The following BACH2 variants were observed in gnomAD, a reference collection of about 807,000 sequenced individuals.
BACH2 encodes the protein BACH transcriptional regulator 2.
Under a neutral mutation model 61.8 loss-of-function variants are expected in BACH2, and 5 were observed. The observed-to-expected ratio is 0.08, with a 90% CI of 0.04 to 0.17. The LOEUF is 0.17. Among genes scored for constraint, BACH2 ranks in the 10% least tolerant of loss-of-function variants. The pLI is 1.00. For synonymous variants in BACH2, 446 were observed against 440.1 expected, an observed-to-expected ratio of 1.01 and a Z score of -0.17; for missense variants, 824 against 1,091.1, an observed-to-expected ratio of 0.76 and a Z score of 3.45.
chr6:90,109,318 C>T (rs1783063009), intron 4 of BACH2, among the ~76,000 whole-genome samples: 1 of 152,130 alleles, frequency 6.6e-6, no homozygotes, highest in Non-Finnish European at 1.5e-5. Flanking sequence ...ACCACTTCTT[C>T]TTGTGGCTTC....
Position 89,950,141 on chromosome 6 carries a change from G to T in BACH2, c.1836+129C>A. On this transcript the variant is annotated intron_variant, in intron 7 of 8. Transcript: ENST00000257749. This position sits in a 1 kb window ranked among gnomAD's most constrained non-coding sequence, Gnocchi z 5.3. ...CATCCTGCCTCTGTGGATGGGGAAG[G>T]CAGTCTCTCTACTGTCATCTTTAAT... 1 of 1,076,436 alleles carries T rather than the reference G, an allele frequency of 9.3e-7. No individual in the cohort carries two copies. 66.7% of individuals were successfully genotyped at this position (1,076,436 alleles called of 1,614,324 possible).
chr6:90,124,594 G>A (rs1181543365), intron 4 of BACH2, among the ~76,000 whole-genome samples: 3 of 152,060 alleles, frequency 2.0e-5, no homozygotes, highest in Non-Finnish European at 4.4e-5. Flanking sequence ...CTCTGTCCTT[G>A]GTAATAAATA....
At chr6:90,111,588 C>T (rs1783173233) in intron 4 of BACH2, among the ~76,000 whole-genome samples, 1 of 152,186 alleles carries the variant, frequency 6.6e-6, no homozygotes, top group Non-Finnish European at 1.5e-5. Flanking sequence ...AAGGCTCCTC[C>T]CCCAGGTTTT....
chr6:90,179,555 G>A (rs1002062246), intron 4 of BACH2, among the ~76,000 whole-genome samples: 1 of 152,152 alleles, frequency 6.6e-6, no homozygotes, highest in African/African-American at 2.4e-5. Flanking sequence ...GTTCTGGACT[G>A]GAGTGAAGGT....
At chr6:90,127,297 A>T (rs1177962034) in intron 4 of BACH2, among the ~76,000 whole-genome samples, 1 of 152,178 alleles carries the variant, frequency 6.6e-6, no homozygotes. Context: ...TGATGGCTGC[A>T]GGCATGAGAA....
intron 4 of BACH2, among the ~76,000 whole-genome samples, chr6:90,137,817 A>T (rs1312338544): frequency 2.0e-5 from 3 of 152,178 alleles, no homozygotes; most frequent in Non-Finnish European, 4.4e-5. Context: ...GGAGGACTCG[A>T]TGCCCAGACT....
chr6:90,195,764 T>C (rs1768736768), intron 4 of BACH2, among the ~76,000 whole-genome samples: 1 of 152,184 alleles, frequency 6.6e-6, no homozygotes, highest in Admixed American at 6.5e-5. Flanking sequence ...CAGCAGCACA[T>C]TAAAATCAAA....
At chr6:90,125,713 C>A (rs1783821630) in intron 4 of BACH2, among the ~76,000 whole-genome samples, 1 of 152,174 alleles carries the variant, frequency 6.6e-6, no homozygotes, top group Non-Finnish European at 1.5e-5. Flanking sequence ...ATCCCTCACA[C>A]CCCCAGGGTG....
chr6:90,287,209 ATAGTT>A (rs1387907960), intron 1 of BACH2, among the ~76,000 whole-genome samples: 3 of 152,214 alleles, frequency 2.0e-5, no homozygotes, highest in Non-Finnish European at 2.9e-5. Flanking sequence ...TAAAATAAGT[ATAGTT>A]TAATTAATCA....
Position 89,951,076 on chromosome 6 carries a change from G to A in BACH2, c.1030C>T (p.Leu344=), listed in dbSNP as rs1562319075. The A allele has an allele frequency of 2.5e-6, 4 of 1,612,444 alleles. No individual in the cohort carries two copies. Among genetic ancestry groups the A allele is most frequent in the Non-Finnish European group, 3.4e-6 (4 of 1,179,238 alleles). The change falls in exon 7 of 9, where the codon CTG becomes TTG. Residue 344 remains leucine, a synonymous_variant. Transcript: ENST00000257749. This position sits in a 1 kb window ranked among gnomAD's most constrained non-coding sequence, Gnocchi z 6.4. ...SVASPSCLRS[L]FSITKSVELS... The stretch of plus-strand genomic sequence containing the variant: ...TCCACACTTTTCGTTATGCTGAACA[G>A]AGACCTTAAGCAGGAGGGCGAGGCC...
At position 90,138,294 on chromosome 6, in the gene BACH2, G is replaced by T. The variant is rs547216391; in HGVS notation, c.-161-49185C>A. Among the ~76,000 whole-genome samples the T allele has an allele frequency of 1.8e-4, 28 of 152,320 alleles. No individual in the cohort carries two copies. The South Asian group carries it at 5.6e-3, about 30-fold the overall frequency. Reference sequence around the variant, plus strand: ...GAGGCGGGTGGATCACCCAAGGTCAGGAGTTCGAGACCAGTCTGGCCAACA... The same window carrying T: ...GAGGCGGGTGGATCACCCAAGGTCATGAGTTCGAGACCAGTCTGGCCAACA... On this transcript the variant is annotated intron_variant, in intron 4 of 8. Coordinates refer to ENST00000257749, the MANE Select transcript of BACH2 (RefSeq NM_021813.4).
In BACH2 at chr6:89,992,672, CA is replaced by C. The variant is rs60663156; in HGVS notation, c.243+15929del. On this transcript the variant is annotated intron_variant, in intron 6 of 8. Transcript: ENST00000257749. ...AAAGAAAAACAATCAAACAAACAAACAAAAAAAAACAAAGAAATTACTCCAC... is the reference window on the plus strand; with the variant it reads ...AAAGAAAAACAATCAAACAAACAAACAAAAAAAACAAAGAAATTACTCCAC... Among the ~76,000 whole-genome samples the C allele has an allele frequency of 1.1e-3, 173 of 150,726 alleles. 1 individual carries two copies. Among genetic ancestry groups the C allele is most frequent in the Middle Eastern group, 3.4e-3 (1 of 294 alleles).
chr6:90,273,250 C>T (rs1391356094), intron 1 of BACH2, among the ~76,000 whole-genome samples: 1 of 152,048 alleles, frequency 6.6e-6, no homozygotes, highest in African/African-American at 2.4e-5. Context: ...CCTGGCTACT[C>T]AGGAGGCTAA....
chr6:90,011,932 A>ATG (rs71027919), intron 5 of BACH2, among the ~76,000 whole-genome samples: 19,762 of 113,754 alleles, frequency 0.17, 1,618 homozygotes, highest in Non-Finnish European at 0.18. Flanking sequence ...AAAAAAAAAT[A>ATG]TGTGTGTGTG....
At chr6:90,288,678 C>T (rs937372205) in intron 1 of BACH2, among the ~76,000 whole-genome samples, 7 of 152,162 alleles carry the variant, frequency 4.6e-5, no homozygotes, top group Non-Finnish European at 8.8e-5. Flanking sequence ...GCAAGATAAT[C>T]TCTTCCTGAA....
At chr6:90,295,377 T>G (rs781218156) in intron 1 of BACH2, among the ~76,000 whole-genome samples, 2 of 152,170 alleles carry the variant, frequency 1.3e-5, no homozygotes, top group Non-Finnish European at 2.9e-5. Flanking sequence ...CTCCCGGCCC[T>G]GCACGCTTCC....
At chr6:90,253,268 A>G (rs1182925400) in intron 2 of BACH2, among the ~76,000 whole-genome samples, 1 of 152,140 alleles carries the variant, frequency 6.6e-6, no homozygotes, top group Non-Finnish European at 1.5e-5. Context: ...AGGTACTTCT[A>G]TAATTTGTCC....
chr6:90,090,680 C>A (rs942415089), intron 4 of BACH2, among the ~76,000 whole-genome samples: 1 of 152,116 alleles, frequency 6.6e-6, no homozygotes, highest in Non-Finnish European at 1.5e-5. Flanking sequence ...TAGATGTGGA[C>A]AGTGGGGGAG....
intron 4 of BACH2, among the ~76,000 whole-genome samples, chr6:90,096,952 C>T (rs1017113046): frequency 5.9e-5 from 9 of 152,216 alleles, no homozygotes; most frequent in South Asian, 2.1e-4. Flanking sequence ...TCTGGGGCCA[C>T]GGCCTTGGGT....
Sources: gnomAD v4.1 joint callset for allele counts (sites outside exome capture counted in the v4.1 genomes callset) on GRCh38, gnomAD v4.1.1 for gene constraint, Gnocchi (gnomAD v3.1) non-coding constraint, MANE v1.5 for transcripts, NCBI Gene and HGNC (gene_info 2026-07-23, HGNC 2026-07-21) for gene names.